The following PARM1 variants were observed in gnomAD, a reference collection of about 807,000 sequenced individuals.
The protein encoded by PARM1 is WSC4, cell wall integrity and stress response component 4 homolog.
In PARM1, 14 loss-of-function variants were observed where a neutral mutation model predicts 24.6. The ratio of observed to expected loss-of-function variants is 0.57; its 90% CI spans 0.38 to 0.89. PARM1 has a LOEUF of 0.89. PARM1 is among the 40% of genes least tolerant of loss of function. PARM1 has a pLI of 0.00. For synonymous variants in PARM1, 179 were observed against 156.6 expected (o/e 1.14, Z -1.07); for missense variants, 362 against 380.4 (o/e 0.95, Z 0.40).
chr4:75,049,837 C>CA lies in PARM1; in HGVS notation c.*3591dup, dbSNP rs1216360872. 3 of 148,732 alleles carry CA rather than the reference C, an allele frequency of 2.0e-5. No individual in the cohort carries two copies. Among genetic ancestry groups the CA allele is most frequent in the Non-Finnish European group, 4.5e-5 (3 of 67,406 alleles). 9.2% of individuals were successfully genotyped at this position (148,732 alleles called of 1,614,324 possible). On this transcript the variant is annotated 3_prime_UTR_variant, in exon 4 of 4. Coordinates refer to ENST00000307428, the MANE Select transcript of PARM1 (RefSeq NM_015393.4). ...CCAGATGCTAATTTGCACGTTGATT[C>CA]ACCTTCTTTGCCTTTAAGCCTTTTT...
At chr4:74,949,617 G>A (rs557642017) in intron 1 of PARM1, among the ~76,000 whole-genome samples, 122 of 152,240 alleles carry the variant, frequency 8.0e-4, no homozygotes, top group African/African-American at 2.8e-3. Context: ...CAGCCTATAG[G>A]TCAGTTTTCT....
chr4:74,973,340 C>G (rs1431653738), intron 1 of PARM1, among the ~76,000 whole-genome samples: 1 of 152,076 alleles, frequency 6.6e-6, no homozygotes, highest in East Asian at 1.9e-4. Context: ...AAATTTCCAA[C>G]AAATATGAAC....
At chr4:75,026,639 G>C (rs1206881188) in intron 2 of PARM1, among the ~76,000 whole-genome samples, 1 of 152,058 alleles carries the variant, frequency 6.6e-6, no homozygotes, top group Non-Finnish European at 1.5e-5. Flanking sequence ...ATGATCCCTG[G>C]CTTTCAGAGT....
At position 74,933,333 on chromosome 4, in the gene PARM1, C is replaced by T; in HGVS notation, c.6C>T (p.Val2=). ...GCACCAAATACCAGGCTACCATGGT[C>T]TACAAGACTCTCTTCGCTCTTTGCA... M[V]YKTLFALCIL... The change falls in exon 1 of 4, where the codon GTC becomes GTT. Residue 2 remains valine, a synonymous_variant. Coordinates refer to ENST00000307428, the MANE Select transcript of PARM1 (RefSeq NM_015393.4). The T allele has an allele frequency of 1.2e-6, 2 of 1,612,326 alleles. No individual in the cohort carries two copies. The highest frequency in any genetic ancestry group is 1.7e-6 in the Non-Finnish European group (2 of 1,179,312).
At chr4:74,972,107 A>G (rs1722050538) in intron 1 of PARM1, among the ~76,000 whole-genome samples, 1 of 152,204 alleles carries the variant, frequency 6.6e-6, no homozygotes, top group South Asian at 2.1e-4. Flanking sequence ...GAAGGGGTAA[A>G]AACACTGAAA....
At chr4:75,013,899 C>T (rs1288180844) in intron 2 of PARM1, among the ~76,000 whole-genome samples, 3 of 152,202 alleles carry the variant, frequency 2.0e-5, no homozygotes, top group Non-Finnish European at 4.4e-5. Context: ...AGGTCACCTG[C>T]ATCTGACATT....
At chr4:74,981,787 A>G (rs1722261030) in intron 1 of PARM1, among the ~76,000 whole-genome samples, 1 of 151,514 alleles carries the variant, frequency 6.6e-6, no homozygotes, top group African/African-American at 2.4e-5. Flanking sequence ...AGGCAGAAGA[A>G]TCGCTTGAAC....
At chr4:74,986,092 CCT>C in intron 1 of PARM1, among the ~76,000 whole-genome samples, 1 of 152,186 alleles carries the variant, frequency 6.6e-6, no homozygotes, top group South Asian at 2.1e-4. Context: ...GTTTTGTTTT[CCT>C]CTTTTAATGA....
intron 2 of PARM1, among the ~76,000 whole-genome samples, chr4:75,031,675 A>G (rs1723280235): frequency 6.6e-6 from 1 of 152,162 alleles, no homozygotes; most frequent in African/African-American, 2.4e-5. Context: ...AAAAGGCCAA[A>G]CCTGTGATTT....
intron 1 of PARM1, among the ~76,000 whole-genome samples, chr4:74,998,266 C>T (rs1311876977): frequency 6.6e-6 from 1 of 152,102 alleles, no homozygotes; most frequent in Non-Finnish European, 1.5e-5. Flanking sequence ...TGTGTGTACC[C>T]AAGTAGTGAT....
chr4:74,979,570 C>G (rs1006428484), intron 1 of PARM1, among the ~76,000 whole-genome samples: 1 of 152,034 alleles, frequency 6.6e-6, no homozygotes, highest in African/African-American at 2.4e-5. Context: ...GAAACTATAC[C>G]AAAAAATTGA....
intron 1 of PARM1, among the ~76,000 whole-genome samples, chr4:74,979,509 C>G (rs1722205050): frequency 6.6e-6 from 1 of 152,240 alleles, no homozygotes; most frequent in Non-Finnish European, 1.5e-5. Context: ...CAGACAGATT[C>G]ATGGCTAAAT....
At chr4:74,944,857 T>C (rs1008659320) in intron 1 of PARM1, among the ~76,000 whole-genome samples, 1 of 152,206 alleles carries the variant, frequency 6.6e-6, no homozygotes, top group Non-Finnish European at 1.5e-5. Flanking sequence ...GACGGTTTTT[T>C]AAAGCCACAT....
At chr4:74,945,648 A>G (rs980666396) in intron 1 of PARM1, among the ~76,000 whole-genome samples, 5 of 152,212 alleles carry the variant, frequency 3.3e-5, no homozygotes, top group African/African-American at 1.2e-4. Context: ...ATCAGTATTT[A>G]ATATACTTTG....
At chr4:74,996,936 T>C (rs1001694540) in intron 1 of PARM1, among the ~76,000 whole-genome samples, 3 of 152,240 alleles carry the variant, frequency 2.0e-5, no homozygotes, top group African/African-American at 7.2e-5. Flanking sequence ...TTGATTCAAT[T>C]ACATAGCAAA....
intron 2 of PARM1, among the ~76,000 whole-genome samples, chr4:75,029,493 A>C (rs1335944786): frequency 6.6e-6 from 1 of 152,142 alleles, no homozygotes; most frequent in East Asian, 1.9e-4. Context: ...TATAAAAAGA[A>C]GTTACCCTGC....
chr4:74,970,832 C>T (rs572812367), intron 1 of PARM1, among the ~76,000 whole-genome samples: 1 of 152,254 alleles, frequency 6.6e-6, no homozygotes, highest in Non-Finnish European at 1.5e-5. Flanking sequence ...GAGATAAATA[C>T]CTTAGAGTGA....
At chr4:74,939,199 C>T (rs1721253112) in intron 1 of PARM1, among the ~76,000 whole-genome samples, 2 of 152,096 alleles carry the variant, frequency 1.3e-5, no homozygotes, top group South Asian at 4.1e-4. Flanking sequence ...ATTTTGAAGC[C>T]TGCCTCATGG....
At chr4:75,009,017 T>C (rs962209336) in intron 1 of PARM1, among the ~76,000 whole-genome samples, 2 of 152,064 alleles carry the variant, frequency 1.3e-5, no homozygotes, top group Non-Finnish European at 2.9e-5. Flanking sequence ...TAGGATCCCA[T>C]GTTTTAATAA....
Sources: allele counts gnomAD v4.1 joint callset (sites outside exome capture counted in the v4.1 genomes callset), GRCh38; gene constraint gnomAD v4.1.1; transcripts MANE v1.5; gene names NCBI Gene and HGNC (gene_info 2026-07-23, HGNC 2026-07-21).